Variants in CGGBP1 observed in about 807,000 individuals in gnomAD.
CGGBP1 encodes the protein CGG triplet repeat binding protein 1.
A neutral mutation model predicts 11.4 loss-of-function variants in CGGBP1; 4 were observed. That is an observed-to-expected ratio of 0.35 (90% CI 0.17 to 0.80). The LOEUF (loss-of-function observed/expected upper bound fraction) is 0.80. Ranked by LOEUF, CGGBP1 falls within the 30% of genes least tolerant of loss-of-function variation. The pLI, the probability that CGGBP1 is intolerant of heterozygous loss-of-function variation, is 0.52. For missense variants in CGGBP1, 135 were observed against 202.1 expected, an observed-to-expected ratio of 0.67 and a Z score of 2.01; for synonymous variants, 76 against 74.1, an observed-to-expected ratio of 1.03 and a Z score of -0.13.
chr3:88,141,184 T>G, intron 1 of CGGBP1: 1 of 992,514 alleles, frequency 1.0e-6, no homozygotes, highest in East Asian at 2.6e-5. Context: ...CATACATTAT[T>G]TCCTTTAATA....
chr3:88,083,939 TTTTA>T (rs1460445346), intron 2 of CGGBP1, among the ~76,000 whole-genome samples: 38 of 24,006 alleles, frequency 1.6e-3, no homozygotes, highest in Admixed American at 7.8e-3. Context: ...AATGTACTTA[TTTTA>T]TATATATATA....
At chr3:88,129,934 A>T (rs577183203) in intron 2 of CGGBP1, 57 of 951,454 alleles carry the variant, frequency 6.0e-5, no homozygotes, top group South Asian at 1.1e-4. Context: ...AGCTACTTTT[A>T]AAAAAAAATT....
chr3:88,136,726 A>G (rs2107874285), intron 2 of CGGBP1, among the ~76,000 whole-genome samples: 1 of 152,294 alleles, frequency 6.6e-6, no homozygotes, highest in Middle Eastern at 3.4e-3. Flanking sequence ...TGTCGGAGAT[A>G]CTTAAAGGGA....
At chr3:88,095,519 T>C (rs1266848981) in intron 2 of CGGBP1, 3 of 488,124 alleles carry the variant, frequency 6.1e-6, no homozygotes, top group Admixed American at 2.3e-5. Context: ...TCACATTAGC[T>C]TCTTTTGCAA....
At chr3:88,125,409 C>A (rs1706038612) in intron 2 of CGGBP1, among the ~76,000 whole-genome samples, 1 of 152,110 alleles carries the variant, frequency 6.6e-6, no homozygotes, top group Non-Finnish European at 1.5e-5. Flanking sequence ...CAAGCAGATT[C>A]TCTGAAAAAC....
chr3:88,067,786 G>A (rs550425428), intron 2 of CGGBP1, among the ~76,000 whole-genome samples: 2 of 152,276 alleles, frequency 1.3e-5, no homozygotes, highest in South Asian at 4.1e-4. Flanking sequence ...AGTGGGAGGT[G>A]AAGGAATAGA....
At chr3:88,076,488 C>T in intron 2 of CGGBP1, among the ~76,000 whole-genome samples, 1 of 152,060 alleles carries the variant, frequency 6.6e-6, no homozygotes, top group Non-Finnish European at 1.5e-5. Context: ...AAGGAAGTCC[C>T]TCTTTTCTTT....
chr3:88,100,847 T>C (rs1210674167), intron 2 of CGGBP1, among the ~76,000 whole-genome samples: 2 of 152,098 alleles, frequency 1.3e-5, no homozygotes, highest in African/African-American at 4.8e-5. Flanking sequence ...CATCAGGAGA[T>C]ATACCTAATG....
intron 2 of CGGBP1, among the ~76,000 whole-genome samples, chr3:88,094,517 T>A (rs1324215597): frequency 6.6e-6 from 1 of 152,134 alleles, no homozygotes; most frequent in Non-Finnish European, 1.5e-5. Flanking sequence ...GGGCTGTAGA[T>A]GTGTAGTTTT....
intron 2 of CGGBP1, among the ~76,000 whole-genome samples, chr3:88,088,621 G>T (rs1232477038): frequency 3.3e-5 from 5 of 152,180 alleles, no homozygotes; most frequent in African/African-American, 9.7e-5. Flanking sequence ...TTAAATGTGT[G>T]TGTGTACACT....
chr3:88,119,715 T>C (rs1559723244), intron 2 of CGGBP1, among the ~76,000 whole-genome samples: 2 of 152,178 alleles, frequency 1.3e-5, no homozygotes, highest in Non-Finnish European at 2.9e-5. Context: ...TGCATGCACC[T>C]TAATTCTGCT....
At position 88,055,503 on chromosome 3, in the gene CGGBP1, C is replaced by G. The variant is rs1462733720; in HGVS notation, c.474G>C (p.Glu158Asp). Residue 158 changes from glutamate to aspartate, a missense_variant, in exon 4 of 4, where the codon GAG becomes GAC. By Grantham distance (45) the Glu-to-Asp change is conservative. Transcript: ENST00000482016. The surrounding 1 kb of genome is among the most constrained non-coding windows in gnomAD (Gnocchi z 4.2). ...RAYLPDGYEN[E>D]NQLLNSQDC ...AATCTTGTGAGTTGAGGAGTTGATT[C>G]TCATTCTCATATCCATCAGGAAGAT... is the stretch of plus-strand genomic sequence containing the variant. 3 of 1,530,198 alleles carry G rather than the reference C, an allele frequency of 2.0e-6. No homozygotes were observed. The highest frequency in any genetic ancestry group is 2.6e-6 in the Non-Finnish European group (3 of 1,138,112). The allele number at this position is 1,530,198 out of a possible 1,614,324, so 94.8% of individuals were successfully genotyped here.
intron 2 of CGGBP1, chr3:88,095,896 C>G: frequency 2.3e-6 from 1 of 426,492 alleles, no homozygotes; most frequent in Non-Finnish European, 4.5e-6. Flanking sequence ...ACATGCCTGT[C>G]TAGCACCTTC....
At chr3:88,085,921 C>A (rs527846208) in intron 2 of CGGBP1, among the ~76,000 whole-genome samples, 22 of 152,130 alleles carry the variant, frequency 1.4e-4, no homozygotes, top group Admixed American at 7.9e-4. Flanking sequence ...TTACTATATT[C>A]TACTCTCCAG....
intron 2 of CGGBP1, among the ~76,000 whole-genome samples, chr3:88,119,833 C>G (rs535058202): frequency 6.6e-6 from 1 of 152,218 alleles, no homozygotes; most frequent in Admixed American, 6.5e-5. Flanking sequence ...GGTTGTACTT[C>G]CATTAGCATG....
intron 2 of CGGBP1, among the ~76,000 whole-genome samples, chr3:88,105,742 T>A (rs1248768185): frequency 1.3e-5 from 2 of 152,190 alleles, no homozygotes; most frequent in Non-Finnish European, 2.9e-5. Context: ...CTTGGTATAT[T>A]TTTAATTTGT....
intron 2 of CGGBP1, among the ~76,000 whole-genome samples, chr3:88,122,553 C>T (rs568934847): frequency 4.6e-5 from 7 of 152,148 alleles, no homozygotes; most frequent in South Asian, 2.1e-4. Flanking sequence ...GTTGTATTTT[C>T]GCTCTACCTT....
intron 2 of CGGBP1, among the ~76,000 whole-genome samples, chr3:88,097,142 C>T (rs376762345): frequency 1.4e-4 from 22 of 151,906 alleles, no homozygotes; most frequent in Admixed American, 1.1e-3. Flanking sequence ...CATGTATGAC[C>T]GGAATATGTA....
intron 2 of CGGBP1, among the ~76,000 whole-genome samples, chr3:88,136,443 TGTGAAGAGTC>T (rs1428278985): frequency 3.9e-5 from 6 of 152,198 alleles, no homozygotes; most frequent in Non-Finnish European, 5.9e-5. Flanking sequence ...GCCTCAGTAC[TGTGAAGAGTC>T]ATAAATACTG....
Sources: gnomAD v4.1 joint callset for allele counts (sites outside exome capture counted in the v4.1 genomes callset) on GRCh38, gnomAD v4.1.1 for gene constraint, Gnocchi (gnomAD v3.1) non-coding constraint, MANE v1.5 for transcripts, NCBI Gene and HGNC (gene_info 2026-07-23, HGNC 2026-07-21) for gene names.